The following CFAP58 variants were observed in gnomAD, a reference collection of about 807,000 sequenced individuals.
CFAP58 encodes cilia and flagella associated protein 58.
In CFAP58, 88 loss-of-function variants were observed where a neutral mutation model predicts 119.5. The ratio of observed to expected loss-of-function variants is 0.74; its 90% CI spans 0.62 to 0.88. CFAP58 has a LOEUF of 0.88. CFAP58 is among the 40% of genes least tolerant of loss of function. CFAP58 has a pLI of 0.00. For missense variants in CFAP58, 990 were observed against 1,021.2 expected, an observed-to-expected ratio of 0.97 and a Z score of 0.42; for synonymous variants, 365 against 366.3, an observed-to-expected ratio of 1.00 and a Z score of 0.04.
At chr10:104,442,598 A>AG (rs2013056817) in intron 15 of CFAP58, among the ~76,000 whole-genome samples, 1 of 152,098 alleles carries the variant, frequency 6.6e-6, no homozygotes, top group East Asian at 1.9e-4. Context: ...AAAAAAAAAA[A>AG]AAAAAAAGTT....
intron 2 of CFAP58, among the ~76,000 whole-genome samples, chr10:104,359,657 C>A (rs1037820920): frequency 2.6e-5 from 4 of 151,956 alleles, no homozygotes; most frequent in African/African-American, 9.7e-5. Flanking sequence ...ATTAGCTGGG[C>A]GTGGTGGCAT....
chr10:104,357,863 A>ATATGTACACATT (rs1554912470), intron 1 of CFAP58, among the ~76,000 whole-genome samples: 1 of 129,016 alleles, frequency 7.8e-6, no homozygotes, highest in East Asian at 2.4e-4. Flanking sequence ...ATATACACAT[A>ATATGTACACATT]TATACACATA....
At chr10:104,376,251 G>A (rs1315353936) in intron 7 of CFAP58, among the ~76,000 whole-genome samples, 1 of 151,982 alleles carries the variant, frequency 6.6e-6, no homozygotes, top group Non-Finnish European at 1.5e-5. Context: ...TTTATGGTTT[G>A]TAGGGCATGA....
rs2014815060 is a variant in CFAP58, at chr10:104,370,950, T to C, written c.986T>C (p.Ile329Thr). 6.2e-7 allele frequency: 1 copy of C among 1,613,488 alleles called. No individual in the cohort carries two copies. Among genetic ancestry groups the C allele is most frequent in the African/African-American group, 1.3e-5 (1 of 74,952 alleles). Reference protein sequence around the residue: ...MRLDIGKLNKIREQIHKKLHH... With the variant: ...MRLDIGKLNKTREQIHKKLHH... ...CTTGACATCGGGAAGCTCAACAAAA[T>C]CAGAGAACAAATTCATAAGAAATTG... Residue 329 changes from isoleucine (I) to threonine (T), a missense_variant, in exon 7 of 18, where the codon ATC (isoleucine) becomes ACC (threonine). Physicochemically the swap from Ile to Thr is moderately conservative, Grantham distance 89. Coordinates refer to ENST00000369704, the MANE Select transcript of CFAP58 (RefSeq NM_001008723.2).
At chr10:104,429,703 G>T (rs2012811772) in intron 15 of CFAP58, among the ~76,000 whole-genome samples, 2 of 151,998 alleles carry the variant, frequency 1.3e-5, no homozygotes. Context: ...ACAACTCAAG[G>T]TACACGTTTA....
chr10:104,339,379 T>G, the CFAP58 span, among the ~76,000 whole-genome samples: 1 of 152,294 alleles, frequency 6.6e-6, no homozygotes, highest in South Asian at 2.1e-4. Flanking sequence ...AGCGTTCTGG[T>G]CGAGCTTAAT....
intron 9 of CFAP58, among the ~76,000 whole-genome samples, chr10:104,391,270 G>A (rs2012033756): frequency 6.6e-6 from 1 of 152,044 alleles, no homozygotes; most frequent in Admixed American, 6.6e-5. Flanking sequence ...CCAGAGACAT[G>A]GACCTGTTTC....
upstream of CFAP58, chr10:104,353,724 G>C: frequency 1.7e-6 from 1 of 584,182 alleles, no homozygotes; most frequent in South Asian, 2.3e-5. Context: ...TCCCGCTAGC[G>C]CCCCTAGAGG....
chr10:104,340,034 T>C, the CFAP58 span, among the ~76,000 whole-genome samples: 2 of 152,220 alleles, frequency 1.3e-5, no homozygotes, highest in Non-Finnish European at 2.9e-5. Context: ...TGCAAAGTTG[T>C]TTCAGCAATT....
chr10:104,447,418 C>T (rs561622297), intron 15 of CFAP58, among the ~76,000 whole-genome samples: 15 of 152,298 alleles, frequency 9.8e-5, no homozygotes, highest in African/African-American at 3.4e-4. Context: ...ATCTTGTATC[C>T]TGCCCTTGTC....
rs2012242918 is a variant in CFAP58 at position 104,400,568 on chromosome 10, T to C, written c.1816-112T>C. 4.8e-6 allele frequency: 4 copies of C among 836,528 alleles called. No homozygotes were observed. The East Asian group carries it at 9.9e-5, about 21-fold the overall frequency. The allele number at this position is 836,528 out of a possible 1,614,324, so 51.8% of individuals were successfully genotyped here. A position where few individuals can be genotyped will look rare whatever the true frequency, so the allele number is the denominator to read the frequency against. On this transcript the variant is annotated intron_variant, in intron 12 of 17. Transcript: ENST00000369704. ...TCTTTCCAGTGCCCAGCCCATGTGG[T>C]GCCCAGTACATGTGGGCGTTCAATA...
intron 11 of CFAP58, among the ~76,000 whole-genome samples, 164 bp downstream of exon 11, chr10:104,393,639 G>A (rs1228736617): frequency 6.6e-6 from 1 of 152,202 alleles, no homozygotes; most frequent in East Asian, 1.9e-4. Flanking sequence ...AGGAGGATGA[G>A]CTTTACCATC....
rs1314710833 is a variant in CFAP58, at chr10:104,365,864, G to C, written c.648G>C (p.Arg216=). The change falls in exon 5 of 18, where the codon CGG becomes CGC. Residue 216 remains arginine, a synonymous_variant. Transcript: ENST00000369704. ...QRQNEASREF[R]KKEKLEKELK... Reference sequence around the variant, plus strand: ...AGAACGAAGCTTCCCGGGAGTTCCGGAAGAAGGAAAAACTAGAGAAAGAGC... The same window carrying C: ...AGAACGAAGCTTCCCGGGAGTTCCGCAAGAAGGAAAAACTAGAGAAAGAGC... The C allele has an allele frequency of 3.1e-6, 5 of 1,612,956 alleles. No homozygotes were observed. The East Asian group carries it at 8.9e-5, about 29-fold the overall frequency.
chr10:104,410,890 C>T (rs1273117131), intron 15 of CFAP58, among the ~76,000 whole-genome samples: 4 of 151,918 alleles, frequency 2.6e-5, no homozygotes, highest in Admixed American at 6.6e-5. Context: ...TTTTTCTTCT[C>T]TTTAACTCTT....
At chr10:104,392,529 T>G (rs2012067928) in intron 10 of CFAP58, 135 bp downstream of exon 10, 5 of 549,092 alleles carry the variant, frequency 9.1e-6, no homozygotes, top group Non-Finnish European at 1.5e-5. Context: ...AAGATCAATT[T>G]ACGCAAAACT....
chr10:104,379,689 A>T (rs533679483), intron 8 of CFAP58, among the ~76,000 whole-genome samples: 1 of 152,320 alleles, frequency 6.6e-6, no homozygotes, highest in African/African-American at 2.4e-5. Flanking sequence ...GGGGTTAGCC[A>T]GCCATGGATT....
At chr10:104,382,357 G>T in intron 9 of CFAP58, 2 of 552,806 alleles carry the variant, frequency 3.6e-6, no homozygotes, top group Non-Finnish European at 6.6e-6. Flanking sequence ...AACATAAAAT[G>T]TCATCTGTTG....
At chr10:104,440,599 T>A (rs1187904188) in intron 15 of CFAP58, among the ~76,000 whole-genome samples, 1 of 152,208 alleles carries the variant, frequency 6.6e-6, no homozygotes, top group Admixed American at 6.5e-5. Flanking sequence ...ATGTCTGTTA[T>A]GCGCTTAACA....
rs946389004 is a variant in CFAP58 at position 104,406,903 on chromosome 10, T to C, written c.2256+110T>C. 9 of 772,790 alleles carry C rather than the reference T, an allele frequency of 1.2e-5. No individual in the cohort carries two copies. The African/African-American group carries it at 1.6e-4, about 13-fold the overall frequency. The allele number at this position is 772,790 out of a possible 1,614,324, so 47.9% of individuals were successfully genotyped here. ...CAGCATTGCATGTCCTGTATTTAACTGTAGATGGCAACAGTGACTTACACA... is the reference window on the plus strand; with the variant it reads ...CAGCATTGCATGTCCTGTATTTAACCGTAGATGGCAACAGTGACTTACACA... On this transcript the variant is annotated intron_variant, in intron 15 of 17. Transcript: ENST00000369704.
Sources: allele counts gnomAD v4.1 joint callset (sites outside exome capture counted in the v4.1 genomes callset), GRCh38; gene constraint gnomAD v4.1.1; transcripts MANE v1.5; gene names NCBI Gene and HGNC (gene_info 2026-07-23, HGNC 2026-07-21).